OR51B5: variants seen among roughly 807,000 people sequenced by gnomAD.
OR51B5 encodes olfactory receptor family 51 subfamily B member 5, also known as olfactory receptor 51B5.
For synonymous variants in OR51B5, 186 were observed against 144.8 expected (o/e 1.28, Z -2.04); for missense variants, 456 against 374.6 (o/e 1.22, Z -1.79).
chr11:5,378,598 C>A (rs562849124), intron 1 of OR51B5, among the ~76,000 whole-genome samples: 1 of 152,224 alleles, frequency 6.6e-6, no homozygotes, highest in Non-Finnish European at 1.5e-5. Flanking sequence ...CTATAATGAA[C>A]TCAAACAAAT....
rs564892490 is a variant in OR51B5, at chr11:5,366,604, TGAGAAAGAAATA to T, written n.85-19706_85-19695del. Among the ~76,000 whole-genome samples the T allele has an allele frequency of 4.4e-3, 586 of 134,168 alleles. 2 individuals carry two copies. Among genetic ancestry groups the T allele is most frequent in the Middle Eastern group, 0.013 (3 of 236 alleles). 88.0% of individuals were successfully genotyped at this position (134,168 alleles called of 152,430 possible). A position where few individuals can be genotyped will look rare whatever the true frequency, so the allele number is the denominator to read the frequency against. The stretch of plus-strand genomic sequence containing the variant: ...AGCAGCCTGGAAGGCAAAAGCAAGA[TGAGAAAGAAATA>T]GAGAAAGAGAGAGAGGTAGGGAGGG... On this transcript the variant is annotated intron_variant and non_coding_transcript_variant, in intron 1 of 4. Transcript: ENST00000415970.
upstream of OR51B5, among the ~76,000 whole-genome samples, chr11:5,346,659 ATTG>A (rs1848996388): frequency 1.3e-5 from 2 of 152,178 alleles, no homozygotes; most frequent in Admixed American, 6.5e-5. Flanking sequence ...AGCACTTGGA[ATTG>A]CTTTTGAAGT....
chr11:5,412,672 C>T lies in OR51B5; in HGVS notation n.85-65762G>A, dbSNP rs986274063. ...CATGGCTCAGAGGGTCCTACGCCGA[C>T]GGAGTCTCGCTGATTCCTAGCACAG... On this transcript the variant is annotated intron_variant and non_coding_transcript_variant, in intron 1 of 4. Coordinates refer to the OR51B5 transcript ENST00000415970. 6.4e-4 allele frequency among the ~76,000 whole-genome samples: 98 copies of T among 152,290 alleles called. 3 individuals are homozygous for T. The Middle Eastern group carries it at 0.01, about 16-fold the overall frequency.
At chr11:5,478,610 T>C (rs1232870645) in intron 1 of OR51B5, among the ~76,000 whole-genome samples, 43 of 149,858 alleles carry the variant, frequency 2.9e-4, no homozygotes, top group Non-Finnish European at 1.0e-4. Context: ...TGGAAAACTT[T>C]GAAAAAAATT....
chr11:5,349,831 T>C (rs144512096), intron 1 of OR51B5, among the ~76,000 whole-genome samples: 1 of 152,284 alleles, frequency 6.6e-6, no homozygotes, highest in African/African-American at 2.4e-5. Context: ...GGCTCAACGT[T>C]ACTTTTAGCT....
intron 1 of OR51B5, among the ~76,000 whole-genome samples, chr11:5,414,726 T>C (rs1254171770): frequency 6.6e-6 from 1 of 152,204 alleles, no homozygotes; most frequent in Admixed American, 6.5e-5. Context: ...CAAGAAGAGC[T>C]ATCCTAAATA....
At chr11:5,491,766 T>G (rs750123025) in intron 1 of OR51B5, among the ~76,000 whole-genome samples, 5 of 152,244 alleles carry the variant, frequency 3.3e-5, no homozygotes, top group Non-Finnish European at 7.4e-5. Context: ...TGATTACCAA[T>G]CCCAGTGTAC....
chr11:5,378,054 C>G (rs1183418600), intron 1 of OR51B5, among the ~76,000 whole-genome samples: 2 of 152,122 alleles, frequency 1.3e-5, no homozygotes, highest in African/African-American at 4.8e-5. Flanking sequence ...TACCTCACTT[C>G]AAACTATACT....
At chr11:5,503,571 G>C (rs757402808) in intron 1 of OR51B5, among the ~76,000 whole-genome samples, 8 of 152,290 alleles carry the variant, frequency 5.3e-5, no homozygotes, top group Non-Finnish European at 1.0e-4. Context: ...CTGCTATAAA[G>C]TGTACTTGGA....
intron 1 of OR51B5, chr11:5,431,336 C>T (rs1874827): frequency 3.4e-6 from 1 of 291,358 alleles, no homozygotes; most frequent in Non-Finnish European, 6.8e-6. Context: ...CTGTGGGCAT[C>T]AAACCAAAGA....
intron 1 of OR51B5, chr11:5,441,344 C>G: frequency 6.2e-7 from 1 of 1,613,932 alleles, no homozygotes; most frequent in Non-Finnish European, 8.5e-7. Context: ...TGGGCTGATG[C>G]AGAGCAGGCT....
intron 1 of OR51B5, among the ~76,000 whole-genome samples, chr11:5,358,381 T>G (rs1849227073): frequency 6.6e-6 from 1 of 152,072 alleles, no homozygotes; most frequent in Non-Finnish European, 1.5e-5. Context: ...ACAAATAAAC[T>G]AGAAAATCTA....
intron 1 of OR51B5, among the ~76,000 whole-genome samples, chr11:5,441,757 G>T (rs1011698475): frequency 1.3e-5 from 2 of 152,130 alleles, no homozygotes; most frequent in African/African-American, 4.8e-5. Context: ...ATGATCAAAT[G>T]AGTGCCCATA....
chr11:5,371,724 A>G (rs1322466743), intron 1 of OR51B5, among the ~76,000 whole-genome samples: 2 of 152,188 alleles, frequency 1.3e-5, no homozygotes, highest in Non-Finnish European at 2.9e-5. Flanking sequence ...CTATCCATCA[A>G]TACAACACCT....
chr11:5,504,157 G>A (rs1022571297), intron 1 of OR51B5, among the ~76,000 whole-genome samples: 1 of 151,898 alleles, frequency 6.6e-6, no homozygotes, highest in African/African-American at 2.4e-5. Context: ...AAAAAAATAT[G>A]GGCATGTGTT....
At chr11:5,343,960 C>T (rs1344978808), upstream of OR51B5, among the ~76,000 whole-genome samples, 2 of 152,168 alleles carry the variant, frequency 1.3e-5, no homozygotes, top group Non-Finnish European at 2.9e-5. Flanking sequence ...CAGTAGTGAT[C>T]CCTAATCCAC....
chr11:5,455,587 G>GAGAGAGGAGAGAGAGAA (rs1207211039), intron 1 of OR51B5: 3 of 146,816 alleles, frequency 2.0e-5, no homozygotes, highest in African/African-American at 2.6e-5. Context: ...GAAAGAGAAA[G>GAGAGAGGAGAGAGAGAA]AGAGAAAGAG....
intron 1 of OR51B5, among the ~76,000 whole-genome samples, chr11:5,458,797 T>C (rs12289862): frequency 0.042 from 6,318 of 152,232 alleles, 464 homozygotes; most frequent in African/African-American, 0.14. Flanking sequence ...GATTTTTGTA[T>C]ATCAATTTGT....
rs1230592530 is a variant in OR51B5 at position 5,447,167 on chromosome 11, G to C, written n.84+58402C>G. Among the ~76,000 whole-genome samples, 6 of 152,282 alleles carry C rather than the reference G, an allele frequency of 3.9e-5. No homozygotes were observed. The South Asian group carries it at 1.2e-3, about 32-fold the overall frequency. On this transcript the variant is annotated intron_variant and non_coding_transcript_variant, in intron 1 of 4. Coordinates refer to the OR51B5 transcript ENST00000415970. ...GGCTAACAAAATGTGCTTCTGTTCT[G>C]TACCAAGGCTAAGCCTGTTTACCCT...
Sources: gnomAD v4.1 joint callset for allele counts (sites outside exome capture counted in the v4.1 genomes callset) on GRCh38, gnomAD v4.1.1 for gene constraint, MANE v1.5 for transcripts, NCBI Gene and HGNC (gene_info 2026-07-23, HGNC 2026-07-21) for gene names.